Variants in FOXN3 observed in about 807,000 individuals in gnomAD.
FOXN3 encodes the protein forkhead box protein N3.
Under a neutral mutation model 38.4 loss-of-function variants are expected in FOXN3, and 7 were observed. The ratio of observed to expected loss-of-function variants is 0.18; its 90% CI spans 0.10 to 0.34. The LOEUF (loss-of-function observed/expected upper bound fraction) is 0.34, where lower values mean the gene tolerates loss of function less well. Among genes scored for constraint, FOXN3 ranks in the 10% least tolerant of loss-of-function variants. The probability of loss-of-function intolerance (pLI) is 1.00; values close to 1 mark genes in which losing one functional copy is unlikely to be tolerated. For missense variants in FOXN3, 456 were observed against 613.4 expected (o/e 0.74, Z 2.71); for synonymous variants, 230 against 242.2 (o/e 0.95, Z 0.47).
At chr14:89,321,816 C>T (rs908475367) in intron 3 of FOXN3, among the ~76,000 whole-genome samples, 1 of 148,698 alleles carries the variant, frequency 6.7e-6, no homozygotes, top group Admixed American at 6.7e-5. Flanking sequence ...AATAAAAAAA[C>T]AAACAAGAAG....
At chr14:89,306,614 G>T (rs537954317) in intron 3 of FOXN3, among the ~76,000 whole-genome samples, 9 of 152,048 alleles carry the variant, frequency 5.9e-5, no homozygotes, top group African/African-American at 1.2e-4. Flanking sequence ...TGATCCGCCC[G>T]CCTCAGCCTT....
intron 1 of FOXN3, among the ~76,000 whole-genome samples, chr14:89,576,020 C>T (rs145242140): frequency 3.3e-5 from 5 of 152,156 alleles, no homozygotes; most frequent in African/African-American, 7.2e-5. Context: ...CAAATTCCAT[C>T]GCTGACATCG....
chr14:89,223,682 T>C (rs1468633614), intron 4 of FOXN3, among the ~76,000 whole-genome samples: 1 of 152,160 alleles, frequency 6.6e-6, no homozygotes, highest in Non-Finnish European at 1.5e-5. Flanking sequence ...GTGGGCCGGG[T>C]GCGGCGCTGG....
At chr14:89,502,720 C>T (rs542654224) in intron 1 of FOXN3, among the ~76,000 whole-genome samples, 7 of 151,940 alleles carry the variant, frequency 4.6e-5, no homozygotes, top group South Asian at 2.1e-4. Context: ...TAATAAGTGT[C>T]GGGGGGAAAG....
rs539155279 is a variant in FOXN3, at chr14:89,440,334, A to G, written c.-14-27844T>C. Among the ~76,000 whole-genome samples the G allele has an allele frequency of 3.3e-5, 5 of 152,294 alleles. No homozygotes were observed. The East Asian group carries it at 9.7e-4, about 29-fold the overall frequency. ...GGGGATACCAGAATATCTCAAACGC[A>G]TGGAGCAGAGAGACCCCTATTTCAG... On this transcript the variant is annotated intron_variant, in intron 1 of 6. Transcript: ENST00000345097.
At chr14:89,470,748 A>G (rs1244264454) in intron 1 of FOXN3, among the ~76,000 whole-genome samples, 1 of 152,208 alleles carries the variant, frequency 6.6e-6, no homozygotes, top group Non-Finnish European at 1.5e-5. Context: ...GCACAGACAC[A>G]GGCACTCCGT....
chr14:89,169,542 A>T (rs1468163216), intron 5 of FOXN3, among the ~76,000 whole-genome samples: 1 of 151,968 alleles, frequency 6.6e-6, no homozygotes. Flanking sequence ...CAAAACACAC[A>T]CACACACAAA....
At chr14:89,200,629 C>A (rs1330324151) in intron 4 of FOXN3, among the ~76,000 whole-genome samples, 1 of 152,212 alleles carries the variant, frequency 6.6e-6, no homozygotes, top group Non-Finnish European at 1.5e-5. Context: ...CAACAAGAAC[C>A]GCTTTAACTT....
chr14:89,487,911 T>A (rs1204371054), intron 1 of FOXN3, among the ~76,000 whole-genome samples: 1 of 151,996 alleles, frequency 6.6e-6, no homozygotes, highest in Non-Finnish European at 1.5e-5. Flanking sequence ...TAGGACAGAA[T>A]TTTAACAACA....
intron 2 of FOXN3, among the ~76,000 whole-genome samples, chr14:89,357,720 A>G (rs1018041575): frequency 2.0e-5 from 3 of 152,220 alleles, no homozygotes; most frequent in Non-Finnish European, 2.9e-5. Context: ...GTGTGGGATC[A>G]TTTGATTTTC....
chr14:89,564,149 C>A (rs1368515800), intron 1 of FOXN3, among the ~76,000 whole-genome samples: 2 of 152,030 alleles, frequency 1.3e-5, no homozygotes, highest in East Asian at 3.9e-4. Context: ...GCCACCGTGC[C>A]TGGCCCAGAA....
intron 4 of FOXN3, among the ~76,000 whole-genome samples, chr14:89,228,348 T>A (rs956931665): frequency 3.9e-5 from 6 of 152,232 alleles, no homozygotes; most frequent in African/African-American, 1.4e-4. Flanking sequence ...ACGTTCTGGG[T>A]TATGAACGTT....
At chr14:89,307,520 A>G (rs1195684656) in intron 3 of FOXN3, among the ~76,000 whole-genome samples, 2 of 152,222 alleles carry the variant, frequency 1.3e-5, no homozygotes, top group Non-Finnish European at 2.9e-5. Context: ...CTTTGCTAGA[A>G]AAGTGCTGAT....
At chr14:89,437,286 G>A (rs757187719) in intron 1 of FOXN3, among the ~76,000 whole-genome samples, 1 of 152,116 alleles carries the variant, frequency 6.6e-6, no homozygotes, top group Non-Finnish European at 1.5e-5. Context: ...TAACTGTAGG[G>A]AATCCATGGT....
chr14:89,247,926 C>T (rs1241485883), intron 4 of FOXN3, among the ~76,000 whole-genome samples: 1 of 152,170 alleles, frequency 6.6e-6, no homozygotes, highest in Non-Finnish European at 1.5e-5. Flanking sequence ...TTCAACAAGC[C>T]GTGTTTGTTC....
chr14:89,195,739 T>C (rs995076874), intron 4 of FOXN3, among the ~76,000 whole-genome samples: 2 of 152,196 alleles, frequency 1.3e-5, no homozygotes, highest in African/African-American at 4.8e-5. Context: ...GCAGGAGTGC[T>C]TCACGTTATA....
chr14:89,417,777 G>A (rs1465582312), upstream of FOXN3: 2 of 454,896 alleles, frequency 4.4e-6, no homozygotes, highest in East Asian at 1.4e-4. Context: ...CTCTCCCAGC[G>A]ACCACCTCGT....
chr14:89,252,113 C>T (rs141018895), intron 4 of FOXN3, among the ~76,000 whole-genome samples: 77 of 152,308 alleles, frequency 5.1e-4, no homozygotes, highest in Admixed American at 1.8e-3. Flanking sequence ...AACAACCCTA[C>T]AAAGTAGTGA....
chr14:89,411,308 G>A (rs1048195071), intron 2 of FOXN3, among the ~76,000 whole-genome samples: 2 of 152,178 alleles, frequency 1.3e-5, no homozygotes, highest in Admixed American at 1.3e-4. Flanking sequence ...CTTTTTAAAA[G>A]TCAGTCTCTA....
Sources: gnomAD v4.1 joint callset for allele counts (sites outside exome capture counted in the v4.1 genomes callset) on GRCh38, gnomAD v4.1.1 for gene constraint, MANE v1.5 for transcripts, NCBI Gene and HGNC (gene_info 2026-07-23, HGNC 2026-07-21) for gene names.